Variants in LRRC7 observed in about 807,000 individuals in gnomAD.
LRRC7 encodes leucine-rich repeat-containing protein 7.
LRRC7 carries 23 observed loss-of-function variants against 175.7 expected under a neutral mutation model. The ratio of observed to expected loss-of-function variants is 0.13; its 90% confidence interval spans 0.09 to 0.19. The LOEUF is 0.19. Ranked by LOEUF, LRRC7 falls within the 10% of genes least tolerant of loss-of-function variation. The pLI is 1.00. For missense variants in LRRC7, 1,354 were observed against 1,904.7 expected (o/e 0.71, Z 5.38); for synonymous variants, 685 against 680.9 (o/e 1.01, Z -0.09).
chr1:69,801,387 C>A (rs1458413104), intron 4 of LRRC7, among the ~76,000 whole-genome samples: 1 of 151,530 alleles, frequency 6.6e-6, no homozygotes, highest in South Asian at 2.1e-4. Context: ...CTGATTCTAT[C>A]TCACCACTCA....
chr1:69,582,054 C>T (rs1290656398), intron 1 of LRRC7, among the ~76,000 whole-genome samples: 1 of 152,128 alleles, frequency 6.6e-6, no homozygotes. Flanking sequence ...GGTATCTTTT[C>T]CTGGAGCTCT....
chr1:69,967,928 C>T (rs190952046), intron 8 of LRRC7, among the ~76,000 whole-genome samples: 1 of 152,066 alleles, frequency 6.6e-6, no homozygotes, highest in East Asian at 1.9e-4. Context: ...AATAGCTCAC[C>T]AGCAATGGAT....
chr1:69,899,646 G>T (rs966327452), intron 7 of LRRC7, among the ~76,000 whole-genome samples: 2 of 152,160 alleles, frequency 1.3e-5, no homozygotes, highest in Non-Finnish European at 2.9e-5. Flanking sequence ...CCAATAAAAC[G>T]ATTGCTATGG....
At chr1:70,025,705 A>C (rs1658018229) in intron 17 of LRRC7, among the ~76,000 whole-genome samples, 1 of 152,094 alleles carries the variant, frequency 6.6e-6, no homozygotes, top group Non-Finnish European at 1.5e-5. Flanking sequence ...TCTATTTCTT[A>C]AATTTAAATC....
In LRRC7 at chr1:69,647,985, A is replaced by G. The variant is rs1483427220; in HGVS notation, c.3-30396A>G. ...AATACAAATGAAAATGCCTTTAGCTAATATAAAATGTTTTCAAAAGTTTAT... is the reference window on the plus strand; with the variant it reads ...AATACAAATGAAAATGCCTTTAGCTGATATAAAATGTTTTCAAAAGTTTAT... On this transcript the variant is annotated intron_variant, in intron 1 of 26. Coordinates refer to ENST00000651989, the MANE Select transcript of LRRC7 (RefSeq NM_001370785.2). Among the ~76,000 whole-genome samples, 6 of 152,184 alleles carry G rather than the reference A, an allele frequency of 3.9e-5. No homozygotes were observed. In the East Asian group the frequency reaches 1.2e-3, roughly 29 times the overall value.
At chr1:69,881,222 G>A (rs762310555) in intron 7 of LRRC7, among the ~76,000 whole-genome samples, 3 of 152,188 alleles carry the variant, frequency 2.0e-5, no homozygotes, top group Admixed American at 6.5e-5. Context: ...AATGAATAGA[G>A]GGGATATGGC....
At chr1:69,575,700 T>C (rs144551150) in intron 1 of LRRC7, among the ~76,000 whole-genome samples, 10 of 152,272 alleles carry the variant, frequency 6.6e-5, no homozygotes, top group African/African-American at 2.4e-4. Context: ...GCTAAATGAA[T>C]GTTGGATGAT....
intron 2 of LRRC7, among the ~76,000 whole-genome samples, chr1:69,730,117 G>A (rs1667407614): frequency 6.6e-6 from 1 of 152,172 alleles, no homozygotes; most frequent in East Asian, 1.9e-4. Flanking sequence ...CACACAGCAG[G>A]GGGCCCTTGA....
intron 7 of LRRC7, among the ~76,000 whole-genome samples, chr1:69,843,256 C>T (rs968259066): frequency 6.6e-6 from 1 of 151,668 alleles, no homozygotes; most frequent in African/African-American, 2.4e-5. Flanking sequence ...GAGGGACCTC[C>T]CGATTTTAGG....
intron 1 of LRRC7, among the ~76,000 whole-genome samples, chr1:69,603,437 G>C (rs143035358): frequency 1.4e-3 from 215 of 152,258 alleles, no homozygotes; most frequent in African/African-American, 4.8e-3. Context: ...TAAGTATGAA[G>C]TATTTTGCAA....
At chr1:69,800,025 C>T (rs1287819438) in intron 4 of LRRC7, among the ~76,000 whole-genome samples, 1 of 152,000 alleles carries the variant, frequency 6.6e-6, no homozygotes, top group Non-Finnish European at 1.5e-5. Context: ...ATGTTTTTGT[C>T]AACTTTGTCA....
At chr1:69,960,924 G>C (rs1395976899) in intron 8 of LRRC7, among the ~76,000 whole-genome samples, 1 of 152,110 alleles carries the variant, frequency 6.6e-6, no homozygotes, top group Non-Finnish European at 1.5e-5. Flanking sequence ...ACTAGCAAAA[G>C]ACAAGAATAC....
intron 1 of LRRC7, among the ~76,000 whole-genome samples, chr1:69,659,514 CAAAAAAA>C (rs561697511): frequency 8.2e-6 from 1 of 122,354 alleles, no homozygotes; most frequent in Non-Finnish European, 1.8e-5. Flanking sequence ...AACAATCAGC[CAAAAAAA>C]AAAAAAAGAT....
intron 7 of LRRC7, among the ~76,000 whole-genome samples, chr1:69,929,572 G>A (rs1647204249): frequency 6.6e-6 from 1 of 151,994 alleles, no homozygotes; most frequent in Non-Finnish European, 1.5e-5. Flanking sequence ...GCCTTATTAT[G>A]GCCACCACTG....
intron 2 of LRRC7, among the ~76,000 whole-genome samples, chr1:69,692,275 T>C (rs1254280645): frequency 6.6e-6 from 1 of 152,192 alleles, no homozygotes; most frequent in Non-Finnish European, 1.5e-5. Context: ...CAGTATTTAT[T>C]AACTGGGTAA....
intron 3 of LRRC7, among the ~76,000 whole-genome samples, chr1:69,764,021 G>A (rs988379260): frequency 6.6e-6 from 1 of 151,844 alleles, no homozygotes; most frequent in Non-Finnish European, 1.5e-5. Context: ...CAAGGTAAAA[G>A]GCATTAGGGA....
At chr1:69,679,245 A>G (rs1660176566) in intron 2 of LRRC7, among the ~76,000 whole-genome samples, 1 of 152,154 alleles carries the variant, frequency 6.6e-6, no homozygotes, top group Admixed American at 6.6e-5. Flanking sequence ...ACATTTCATT[A>G]TGATAAAAAT....
intron 7 of LRRC7, among the ~76,000 whole-genome samples, chr1:69,911,853 G>C (rs1160315618): frequency 6.6e-6 from 1 of 151,560 alleles, no homozygotes; most frequent in African/African-American, 2.4e-5. Flanking sequence ...CACCCGTCAG[G>C]GTATCAACAA....
intron 23 of LRRC7, among the ~76,000 whole-genome samples, chr1:70,064,437 A>G (rs1661815387): frequency 6.6e-6 from 1 of 151,902 alleles, no homozygotes; most frequent in South Asian, 2.1e-4. Flanking sequence ...TGAGCGATAC[A>G]GGATTGGAAT....
Sources: allele counts gnomAD v4.1 joint callset (sites outside exome capture counted in the v4.1 genomes callset), GRCh38; gene constraint gnomAD v4.1.1; transcripts MANE v1.5; gene names NCBI Gene and HGNC (gene_info 2026-07-23, HGNC 2026-07-21).